The following FCHO2 variants were observed in gnomAD, a reference collection of about 807,000 sequenced individuals.
FCHO2 encodes the protein F-BAR domain only protein 2.
In FCHO2, 43 loss-of-function variants were observed where a neutral mutation model predicts 114.1. That is an observed-to-expected ratio of 0.38 (90% confidence interval 0.30 to 0.49). The LOEUF is 0.49. FCHO2 is among the 20% of genes least tolerant of loss of function. The pLI, the probability that FCHO2 is intolerant of heterozygous loss-of-function variation, is 0.97. For synonymous variants in FCHO2, 293 were observed against 315.2 expected (o/e 0.93, Z 0.75); for missense variants, 807 against 950.4 (o/e 0.85, Z 1.98).
At chr5:72,960,474 A>T (rs1191020602) in intron 1 of FCHO2, among the ~76,000 whole-genome samples, 1 of 152,034 alleles carries the variant, frequency 6.6e-6, no homozygotes, top group African/African-American at 2.4e-5. Context: ...CATTGCTTTT[A>T]ATATGTAAAA....
chr5:73,076,165 C>CTG (rs1742899805), intron 20 of FCHO2, among the ~76,000 whole-genome samples: 1 of 151,998 alleles, frequency 6.6e-6, no homozygotes. Flanking sequence ...AGGTGTGAAC[C>CTG]TGTATCTGAT....
chr5:72,969,718 T>TCAGAAAGG (rs1752412654), intron 2 of FCHO2, among the ~76,000 whole-genome samples: 1 of 152,220 alleles, frequency 6.6e-6, no homozygotes, highest in Non-Finnish European at 1.5e-5. Flanking sequence ...TATCCCTTTC[T>TCAGAAAGG]GATTCTTTGG....
At chr5:72,976,392 C>T (rs1752878576) in intron 2 of FCHO2, among the ~76,000 whole-genome samples, 1 of 151,790 alleles carries the variant, frequency 6.6e-6, no homozygotes. Context: ...TTGTTGTTGT[C>T]AAGATGTGGT....
At chr5:73,041,795 T>G (rs1334500792) in intron 11 of FCHO2, among the ~76,000 whole-genome samples, 1 of 152,138 alleles carries the variant, frequency 6.6e-6, no homozygotes, top group Non-Finnish European at 1.5e-5. Flanking sequence ...CTTATATTTC[T>G]TGATTAAATG....
At chr5:73,051,486 C>G (rs747363546) in intron 12 of FCHO2, 80 bp downstream of exon 12, 4 of 798,582 alleles carry the variant, frequency 5.0e-6, no homozygotes, top group Middle Eastern at 2.8e-4. Context: ...TGTATTAAAG[C>G]CTCTTCCAAT....
intron 13 of FCHO2, among the ~76,000 whole-genome samples, chr5:73,053,461 C>T (rs961333664): frequency 2.6e-5 from 4 of 151,932 alleles, no homozygotes; most frequent in Admixed American, 1.3e-4. Flanking sequence ...TTTGGGAGGC[C>T]GAGGCGGGTG....
chr5:73,006,395 G>T, intron 5 of FCHO2, 50 bp from the exon 6 acceptor site: 10 of 1,137,618 alleles, frequency 8.8e-6, no homozygotes, highest in Non-Finnish European at 1.2e-5. Flanking sequence ...CATTAGGAAA[G>T]AAAAAAGGTC....
rs1272360989 is a variant in FCHO2 at position 72,997,190 on chromosome 5, ATCC to A, written c.495+6329_495+6331del. 4.4e-6 allele frequency: 5 copies of A among 1,137,424 alleles called. No homozygotes were observed. In the Admixed American group the frequency reaches 8.4e-5, roughly 19 times the overall value. 70.5% of individuals were successfully genotyped at this position (1,137,424 alleles called of 1,614,324 possible). On this transcript the variant is annotated intron_variant, in intron 5 of 25. Coordinates refer to ENST00000430046, the MANE Select transcript of FCHO2 (RefSeq NM_138782.3). ...CTGGCCTGGAACGCCTCCTGACTTC[ATCC>A]TCAAGGTGGTAATAGACAAACATCC... is the stretch of plus-strand genomic sequence containing the variant.
At chr5:72,981,149 A>T (rs1007320086) in intron 2 of FCHO2, among the ~76,000 whole-genome samples, 1 of 152,080 alleles carries the variant, frequency 6.6e-6, no homozygotes, top group Non-Finnish European at 1.5e-5. Flanking sequence ...GTGGTGATGA[A>T]ATCTCTCAGC....
intron 5 of FCHO2, chr5:72,997,630 G>C (rs1257033968): frequency 1.4e-6 from 2 of 1,455,138 alleles, no homozygotes; most frequent in Non-Finnish European, 1.9e-6. Flanking sequence ...ACCTTCACCA[G>C]TATAGGTTCT....
At chr5:73,053,959 G>A (rs964179836) in intron 13 of FCHO2, among the ~76,000 whole-genome samples, 3 of 152,046 alleles carry the variant, frequency 2.0e-5, no homozygotes, top group African/African-American at 7.2e-5. Flanking sequence ...CAATTTTATA[G>A]TTAATATTGG....
chr5:73,004,361 G>T (rs962443393), intron 5 of FCHO2, among the ~76,000 whole-genome samples: 1 of 152,028 alleles, frequency 6.6e-6, no homozygotes, highest in Non-Finnish European at 1.5e-5. Context: ...CAGCTGTGTG[G>T]AACTGGGAGA....
chr5:72,988,400 T>C (rs1271184244), intron 2 of FCHO2, among the ~76,000 whole-genome samples: 1 of 152,140 alleles, frequency 6.6e-6, no homozygotes, highest in Non-Finnish European at 1.5e-5. Context: ...ATTGCACCAC[T>C]GTACTCCAGC....
chr5:73,000,753 C>T (rs1754390598), intron 5 of FCHO2, among the ~76,000 whole-genome samples: 1 of 149,886 alleles, frequency 6.7e-6, no homozygotes, highest in South Asian at 2.1e-4. Flanking sequence ...CCAGTCTGGG[C>T]AACAAGAGTG....
intron 6 of FCHO2, among the ~76,000 whole-genome samples, chr5:73,007,284 C>T (rs142444859): frequency 9.9e-5 from 15 of 152,256 alleles, no homozygotes; most frequent in Non-Finnish European, 1.6e-4. Context: ...TGTTTTACAT[C>T]GTCTTCACTG....
chr5:72,980,510 T>G (rs1753145523), intron 2 of FCHO2, among the ~76,000 whole-genome samples: 2 of 152,156 alleles, frequency 1.3e-5, no homozygotes, highest in South Asian at 4.1e-4. Context: ...TTGTTAATTT[T>G]CTCTCTTGTT....
chr5:73,025,091 T>C (rs895409624), intron 8 of FCHO2, among the ~76,000 whole-genome samples: 1 of 152,178 alleles, frequency 6.6e-6, no homozygotes, highest in Non-Finnish European at 1.5e-5. Flanking sequence ...ACTAGGACTT[T>C]TAAACAGTCC....
At chr5:73,014,713 G>GT (rs956335030) in intron 6 of FCHO2, among the ~76,000 whole-genome samples, 9 of 151,726 alleles carry the variant, frequency 5.9e-5, no homozygotes, top group Admixed American at 3.3e-4. Flanking sequence ...AAAACTCTTT[G>GT]TTTTTTTTGT....
At chr5:73,007,285 G>A (rs927739919) in intron 6 of FCHO2, among the ~76,000 whole-genome samples, 4 of 152,120 alleles carry the variant, frequency 2.6e-5, no homozygotes, top group Non-Finnish European at 5.9e-5. Flanking sequence ...GTTTTACATC[G>A]TCTTCACTGT....
Sources: allele counts gnomAD v4.1 joint callset (sites outside exome capture counted in the v4.1 genomes callset), GRCh38; gene constraint gnomAD v4.1.1; transcripts MANE v1.5; gene names NCBI Gene and HGNC (gene_info 2026-07-23, HGNC 2026-07-21).